Variants in KLHL8 observed in about 807,000 individuals in gnomAD.
KLHL8 encodes the protein kelch like family member 8, also known as kelch-like protein 8.
KLHL8 carries 38 observed loss-of-function variants against 63.5 expected under a neutral mutation model. The ratio of observed to expected loss-of-function variants is 0.60; its 90% confidence interval spans 0.46 to 0.78. The LOEUF (loss-of-function observed/expected upper bound fraction) is 0.78, where lower values mean the gene tolerates loss of function less well. KLHL8 is among the 30% of genes least tolerant of loss of function. The pLI is 0.00. For synonymous variants in KLHL8, 224 were observed against 254.3 expected (o/e 0.88, Z 1.13); for missense variants, 566 against 752.4 (o/e 0.75, Z 2.90).
intron 8 of KLHL8, among the ~76,000 whole-genome samples, chr4:87,169,280 G>C (rs1730544477): frequency 6.6e-6 from 1 of 152,146 alleles, no homozygotes; most frequent in Non-Finnish European, 1.5e-5. Context: ...ACTCCAGCCT[G>C]GGTGACAGAG....
intron 2 of KLHL8, among the ~76,000 whole-genome samples, chr4:87,193,978 C>A (rs1385186798): frequency 6.6e-6 from 1 of 152,194 alleles, no homozygotes; most frequent in Non-Finnish European, 1.5e-5. Flanking sequence ...CTTAAAATTT[C>A]TTAATATAGA....
intron 1 of KLHL8, among the ~76,000 whole-genome samples, chr4:87,228,890 A>G (rs908338994): frequency 6.6e-6 from 1 of 152,238 alleles, no homozygotes. Flanking sequence ...TGAAGCCACA[A>G]TCTACCACCC....
At chr4:87,165,033 C>T (rs1730335291) in intron 8 of KLHL8, among the ~76,000 whole-genome samples, 1 of 151,382 alleles carries the variant, frequency 6.6e-6, no homozygotes, top group Non-Finnish European at 1.5e-5. Context: ...CCTGTAGTCC[C>T]AGCTACTCGG....
At chr4:87,229,490 A>G (rs1733098405) in intron 1 of KLHL8, among the ~76,000 whole-genome samples, 2 of 149,052 alleles carry the variant, frequency 1.3e-5, no homozygotes, top group Admixed American at 6.8e-5. Context: ...GCTGGAGTAC[A>G]GTGGTGCGAT....
chr4:87,180,356 C>T (rs1478681096), intron 4 of KLHL8, among the ~76,000 whole-genome samples: 2 of 152,208 alleles, frequency 1.3e-5, no homozygotes, highest in African/African-American at 2.4e-5. Context: ...ACTGAACACC[C>T]TTACCCTAAC....
intron 1 of KLHL8, among the ~76,000 whole-genome samples, chr4:87,217,217 T>C (rs1263665482): frequency 1.3e-5 from 2 of 149,790 alleles, no homozygotes; most frequent in African/African-American, 5.0e-5. Context: ...CTTGTTTCTT[T>C]GGCTAATATA....
At chr4:87,239,679 A>G (rs943445642) in intron 1 of KLHL8, among the ~76,000 whole-genome samples, 2 of 152,164 alleles carry the variant, frequency 1.3e-5, no homozygotes, top group African/African-American at 4.8e-5. Flanking sequence ...CAGTACTAAC[A>G]ATACATCCTC....
chr4:87,212,976 C>G (rs1032188422), intron 1 of KLHL8, among the ~76,000 whole-genome samples: 4 of 152,170 alleles, frequency 2.6e-5, no homozygotes, highest in African/African-American at 9.7e-5. Flanking sequence ...AAATGACACA[C>G]GCAATATTAG....
chr4:87,218,297 G>C (rs1041722746), intron 1 of KLHL8, among the ~76,000 whole-genome samples: 1 of 150,604 alleles, frequency 6.6e-6, no homozygotes, highest in African/African-American at 2.5e-5. Context: ...GAGTGCAGCT[G>C]CGTGATCTCA....
At chr4:87,235,705 T>G (rs906891069) in intron 1 of KLHL8, among the ~76,000 whole-genome samples, 20 of 152,208 alleles carry the variant, frequency 1.3e-4, no homozygotes, top group African/African-American at 4.8e-4. Flanking sequence ...TATTTCATAT[T>G]TAAATATGAC....
intron 1 of KLHL8, among the ~76,000 whole-genome samples, chr4:87,237,159 A>T (rs1578414451): frequency 6.6e-6 from 1 of 152,150 alleles, no homozygotes; most frequent in East Asian, 1.9e-4. Context: ...GCCTGAGAAT[A>T]TGGTTCTCAT....
At chr4:87,220,988 T>C (rs753712177), upstream of KLHL8, 1 of 152,224 alleles carries the variant, frequency 6.6e-6, no homozygotes, top group Non-Finnish European at 1.5e-5. Flanking sequence ...TATTCCTGTG[T>C]CACTTTCACC....
chr4:87,215,875 G>A (rs1039942598), intron 1 of KLHL8, among the ~76,000 whole-genome samples: 14 of 152,078 alleles, frequency 9.2e-5, no homozygotes, highest in East Asian at 1.9e-4. Flanking sequence ...AGTACTAAAA[G>A]TCAAAGTGAT....
chr4:87,191,844 C>G (rs1731505024), intron 2 of KLHL8, among the ~76,000 whole-genome samples: 1 of 151,466 alleles, frequency 6.6e-6, no homozygotes, highest in African/African-American at 2.4e-5. Context: ...TTCCCACTTA[C>G]AAGTGGGAAC....
chr4:87,166,313 G>T (rs1235597616), intron 8 of KLHL8, among the ~76,000 whole-genome samples: 1 of 152,160 alleles, frequency 6.6e-6, no homozygotes, highest in Non-Finnish European at 1.5e-5. Flanking sequence ...ATGCTGTATT[G>T]TTAGCATATA....
intron 4 of KLHL8, among the ~76,000 whole-genome samples, chr4:87,178,882 T>C (rs1183972898): frequency 6.6e-6 from 1 of 152,176 alleles, no homozygotes; most frequent in Non-Finnish European, 1.5e-5. Context: ...CTTCCTAAGG[T>C]CGTAACAAAA....
chr4:87,232,052 T>C (rs956762272), intron 1 of KLHL8, among the ~76,000 whole-genome samples: 1 of 152,310 alleles, frequency 6.6e-6, no homozygotes, highest in South Asian at 2.1e-4. Context: ...ATTATACATT[T>C]CCTATACTTA....
At chr4:87,208,435 C>T (rs1045627677) in intron 1 of KLHL8, among the ~76,000 whole-genome samples, 6 of 150,888 alleles carry the variant, frequency 4.0e-5, no homozygotes, top group African/African-American at 1.2e-4. Context: ...GGCACAATCT[C>T]GGCTTATCAC....
At position 87,220,509 on chromosome 4, in the gene KLHL8, A is replaced by AC. The variant is rs1215840597; in HGVS notation, c.-244dup. Reference sequence around the variant, plus strand: ...CCCCGGCCGCCCTCAGCGGAACCTCACCAACCCCGCGCGAGCACCCGGCGG... The same window carrying AC: ...CCCCGGCCGCCCTCAGCGGAACCTCACCCAACCCCGCGCGAGCACCCGGCGG... On this transcript the variant is annotated 5_prime_UTR_variant, in exon 1 of 10. Transcript: ENST00000273963. 2 of 152,038 alleles carry AC rather than the reference A, an allele frequency of 1.3e-5. No homozygotes were observed. The highest frequency in any genetic ancestry group is 2.9e-5 in the Non-Finnish European group (2 of 68,032). 9.4% of individuals were successfully genotyped at this position (152,038 alleles called of 1,614,324 possible).
Sources: allele counts gnomAD v4.1 joint callset (sites outside exome capture counted in the v4.1 genomes callset), GRCh38; gene constraint gnomAD v4.1.1; transcripts MANE v1.5; gene names NCBI Gene and HGNC (gene_info 2026-07-23, HGNC 2026-07-21).